The following PTBP1 variants were observed in gnomAD, a reference collection of about 807,000 sequenced individuals.
PTBP1 encodes the protein polypyrimidine tract-binding protein 1.
A neutral mutation model predicts 59.8 loss-of-function variants in PTBP1; 8 were observed. The observed-to-expected ratio is 0.13, with a 90% CI of 0.08 to 0.24. The LOEUF is 0.24. PTBP1 is among the 10% of genes least tolerant of loss of function. The pLI is 1.00. For synonymous variants in PTBP1, 490 were observed against 320.7 expected, an observed-to-expected ratio of 1.53 and a Z score of -5.64; for missense variants, 686 against 767.0, an observed-to-expected ratio of 0.89 and a Z score of 1.25.
intron 14 of PTBP1, 28 bp downstream of exon 14, chr19:810,648 T>G: frequency 6.2e-7 from 1 of 1,612,034 alleles, no homozygotes; most frequent in South Asian, 1.1e-5. Flanking sequence ...TGTCCCTGGC[T>G]CTCCCCAGGC....
intron 8 of PTBP1, 121 bp from the exon 9 acceptor site, chr19:805,371 A>G: frequency 8.3e-7 from 1 of 1,210,216 alleles, no homozygotes; most frequent in South Asian, 1.4e-5. Context: ...GGAGCAGCGG[A>G]TCTGCCCGCG....
Position 808,876 on chromosome 19 carries a change from C to G in PTBP1, c.1463+114C>G. 1.0e-6 allele frequency: 1 copy of G among 997,228 alleles called. No homozygotes were observed. Among genetic ancestry groups the G allele is most frequent in the Non-Finnish European group, 1.5e-6 (1 of 663,902 alleles). The allele number at this position is 997,228 out of a possible 1,614,324, so 61.8% of individuals were successfully genotyped here. On this transcript the variant is annotated intron_variant, in intron 13 of 14. Coordinates refer to ENST00000356948, the MANE Select transcript of PTBP1 (RefSeq NM_002819.5). The surrounding 1 kb of genome is among the most constrained non-coding windows in gnomAD (Gnocchi z 4.7). ...CGTTTCCAGAGTGCAGGTCGGGCACCTCTTACCCCAAACCTGAAGTACTGC... is the reference window on the plus strand; with the variant it reads ...CGTTTCCAGAGTGCAGGTCGGGCACGTCTTACCCCAAACCTGAAGTACTGC...
chr19:808,315 G>A lies in PTBP1; in HGVS notation c.1154-45G>A, dbSNP rs376826849. ...GCCGGGGCTGACGGGGAGATGGGCG[G>A]GGCAGGCAGCAGGAGACTCAGGCCC... On this transcript the variant is annotated intron_variant, in intron 11 of 14. Coordinates refer to ENST00000356948, the MANE Select transcript of PTBP1 (RefSeq NM_002819.5). The surrounding 1 kb of genome is among the most constrained non-coding windows in gnomAD (Gnocchi z 4.7). 368 of 1,473,450 alleles carry A rather than the reference G, an allele frequency of 2.5e-4. 3 individuals carry two copies. Among genetic ancestry groups the A allele is most frequent in the East Asian group, 1.5e-3 (60 of 41,334 alleles). The allele number at this position is 1,473,450 out of a possible 1,614,324, so 91.3% of individuals were successfully genotyped here. A position where few individuals can be genotyped will look rare whatever the true frequency, so the allele number is the denominator to read the frequency against.
rs1568277291 is a variant in PTBP1, at chr19:810,634, GGGCTGTCCCT to G, written c.1541+19_1541+28del. On this transcript the variant is annotated intron_variant, in intron 14 of 14. Transcript: ENST00000356948. ...CAAGTTCTTCCAGTGAGTATGAGGCGGGCTGTCCCTGGCTCTCCCCAGGCTGCCCTGCGGC... is the reference window on the plus strand; with the variant it reads ...CAAGTTCTTCCAGTGAGTATGAGGCGGGCTCTCCCCAGGCTGCCCTGCGGC... 1.2e-6 allele frequency: 2 copies of G among 1,612,738 alleles called. No individual in the cohort carries two copies. The highest frequency in any genetic ancestry group is 3.4e-5 in the Admixed American group (2 of 59,556).
Position 810,537 on chromosome 19 carries a change from C to G in PTBP1, c.1464-6C>G, listed in dbSNP as rs757485506. On this transcript the variant is annotated splice_region_variant and splice_polypyrimidine_tract_variant and intron_variant, in intron 13 of 14. Coordinates refer to ENST00000356948, the MANE Select transcript of PTBP1 (RefSeq NM_002819.5). ...GCCCCAGGCTCACGCCTTTCTCCTC[C>G]CACAGGCCCTCAGTCTCCGAGGAGG... 6.2e-7 allele frequency: 1 copy of G among 1,613,034 alleles called. No individual in the cohort carries two copies.
Position 799,350 on chromosome 19 carries a change from C to T in PTBP1, c.9-63C>T, listed in dbSNP as rs761257598. The T allele has an allele frequency of 3.3e-6, 5 of 1,519,920 alleles. No homozygotes were observed. The East Asian group carries it at 1.1e-4, about 34-fold the overall frequency. The allele number at this position is 1,519,920 out of a possible 1,614,324, so 94.2% of individuals were successfully genotyped here. A position where few individuals can be genotyped will look rare whatever the true frequency, so the allele number is the denominator to read the frequency against. On this transcript the variant is annotated intron_variant, in intron 1 of 14. Transcript: ENST00000356948. ...ACGGGCTCTCCTGGCCCGGGGACAG[C>T]TGGGTGCTCCTGCTGCTGAGTGGCC... is the stretch of plus-strand genomic sequence containing the variant.
At chr19:806,190 C>CGGCCCGTGCTGTGAGGAGAG (rs1555698945) in intron 9 of PTBP1, 9 of 486,984 alleles carry the variant, frequency 1.8e-5, no homozygotes, top group Non-Finnish European at 3.2e-5. Context: ...AGGCCCGGCC[C>CGGCCCGTGCTGTGAGGAGAG]GGCCCGTGCT....
chr19:800,529 C>T (rs1023144175), intron 2 of PTBP1, among the ~76,000 whole-genome samples: 3 of 152,248 alleles, frequency 2.0e-5, no homozygotes, highest in South Asian at 2.1e-4. Flanking sequence ...AGGGCTTGTG[C>T]CCCGAGAGCC....
Position 805,149 on chromosome 19 carries a change from G to C in PTBP1, c.854G>C (p.Ser285Thr). The change falls in exon 8 of 15, where the codon AGC becomes ACC. Residue 285 changes from serine (S) to threonine (T), a missense_variant. Ser to Thr is a moderately conservative substitution (Grantham distance 58). Coordinates refer to ENST00000356948, the MANE Select transcript of PTBP1 (RefSeq NM_002819.5). ...YTRPDLPSGDSQPSLDQTMAA... is the reference protein window; with the variant it reads ...YTRPDLPSGDTQPSLDQTMAA... ...CGCCCAGACCTGCCTTCCGGGGACA[G>C]CCAGCCCTCGCTGGACCAGACCATG... is the stretch of plus-strand genomic sequence containing the variant. 6.2e-7 allele frequency: 1 copy of C among 1,613,682 alleles called. No homozygotes were observed. The highest frequency in any genetic ancestry group is 1.7e-5 in the Admixed American group (1 of 60,024).
At position 810,973 on chromosome 19, in the gene PTBP1, T is replaced by G; in HGVS notation, c.*147T>G. ...TCAGTTTACCTGTTTTTAAAAAAATTAAATCTAGTTCACCTTGCTCACCCT... is the reference window on the plus strand; with the variant it reads ...TCAGTTTACCTGTTTTTAAAAAAATGAAATCTAGTTCACCTTGCTCACCCT... On this transcript the variant is annotated 3_prime_UTR_variant, in exon 15 of 15. Transcript: ENST00000356948. The G allele has an allele frequency of 1.2e-6, 1 of 865,794 alleles. No individual in the cohort carries two copies. Among genetic ancestry groups the G allele is most frequent in the Non-Finnish European group, 1.6e-6 (1 of 606,188 alleles). 53.6% of individuals were successfully genotyped at this position (865,794 alleles called of 1,614,324 possible).
At chr19:809,131 C>G (rs994660927) in intron 13 of PTBP1, among the ~76,000 whole-genome samples, 3 of 152,006 alleles carry the variant, frequency 2.0e-5, no homozygotes, top group Non-Finnish European at 4.4e-5. Flanking sequence ...ACCTCAGCTT[C>G]CCGAGTAGCT....
rs180821090 is a variant in PTBP1, at chr19:798,874, G to T, written c.9-539G>T. Among the ~76,000 whole-genome samples the T allele has an allele frequency of 1.8e-3, 275 of 152,358 alleles. 3 individuals are homozygous for T. The highest frequency in any genetic ancestry group is 5.9e-3 in the African/African-American group (247 of 41,586). The stretch of plus-strand genomic sequence containing the variant: ...TGATCAGTAACTGAGGCTGTGTTCT[G>T]GTCGGTCTGTTAATTTTTATTGACG... On this transcript the variant is annotated intron_variant, in intron 1 of 14. Transcript: ENST00000356948.
intron 13 of PTBP1, 113 bp from the exon 14 acceptor site, chr19:810,430 G>GC: frequency 1.2e-6 from 1 of 811,762 alleles, no homozygotes; most frequent in Non-Finnish European, 2.0e-6. Context: ...CTCCTAAAAG[G>GC]CCCTACGCCT....
At chr19:799,712 G>T (rs1158459082) in intron 2 of PTBP1, among the ~76,000 whole-genome samples, 4 of 152,190 alleles carry the variant, frequency 2.6e-5, no homozygotes, top group Admixed American at 2.6e-4. Context: ...CGAGGGCTCT[G>T]TGTGCCCCAG....
At chr19:806,387 T>C (rs771684081) in intron 9 of PTBP1, 21 bp from the exon 10 acceptor site, 1 of 1,592,332 alleles carries the variant, frequency 6.3e-7, no homozygotes, top group Admixed American at 1.7e-5. Context: ...CCGCCGCTCA[T>C]CTCACCTCCT....
chr19:805,800 C>T (rs1321493425), intron 9 of PTBP1: 4 of 562,514 alleles, frequency 7.1e-6, no homozygotes, highest in African/African-American at 1.9e-5. Context: ...AGCCGCTAAT[C>T]GCACAGTCTT....
At chr19:806,275 G>C in intron 9 of PTBP1, 133 bp from the exon 10 acceptor site, 1 of 1,072,112 alleles carries the variant, frequency 9.3e-7, no homozygotes, top group Non-Finnish European at 1.3e-6. Flanking sequence ...CAGGCACCCA[G>C]GGTAGGGCCA....
In PTBP1 at chr19:808,456, AGAGGCCGGGGC is replaced by A. The variant is rs890286265; in HGVS notation, c.1246+6_1246+16del. The A allele has an allele frequency of 2.5e-6, 4 of 1,595,702 alleles. No individual in the cohort carries two copies. Among genetic ancestry groups the A allele is most frequent in the Non-Finnish European group, 3.4e-6 (4 of 1,172,394 alleles). Reference sequence around the variant, plus strand: ...GACGGCAACCAGGCCCAGCTGGGTAAGAGGCCGGGGCGGCCCCGGGGTGGAGGGGGCAGGGG... The same window carrying A: ...GACGGCAACCAGGCCCAGCTGGGTAAGGCCCCGGGGTGGAGGGGGCAGGGG... On this transcript the variant is annotated splice_donor_5th_base_variant and intron_variant, in intron 12 of 14. Coordinates refer to ENST00000356948, the MANE Select transcript of PTBP1 (RefSeq NM_002819.5). The surrounding 1 kb of genome is among the most constrained non-coding windows in gnomAD (Gnocchi z 4.7).
chr19:805,393 GGGGCCGCCCGC>G (rs1362614569), intron 8 of PTBP1, 88 bp from the exon 9 acceptor site: 5 of 1,314,684 alleles, frequency 3.8e-6, no homozygotes, highest in Non-Finnish European at 5.4e-6. Flanking sequence ...AGGCTCTGCC[GGGGCCGCCCGC>G]CGGCCGGGTT....
Sources: allele counts gnomAD v4.1 joint callset (sites outside exome capture counted in the v4.1 genomes callset), GRCh38; gene constraint gnomAD v4.1.1; non-coding constraint Gnocchi (gnomAD v3.1); transcripts MANE v1.5; gene names NCBI Gene and HGNC (gene_info 2026-07-23, HGNC 2026-07-21).